The following TVP23A variants were observed in gnomAD, a reference collection of about 807,000 sequenced individuals.
TVP23A encodes Golgi apparatus membrane protein TVP23 homolog A.
A neutral mutation model predicts 31.7 loss-of-function variants in TVP23A; 21 were observed. The ratio of observed to expected loss-of-function variants is 0.66; its 90% CI spans 0.47 to 0.95. The LOEUF (loss-of-function observed/expected upper bound fraction) is 0.95. Among genes scored for constraint, TVP23A ranks in the 40% least tolerant of loss-of-function variants. The pLI is 0.00. For missense variants in TVP23A, 279 were observed against 255.6 expected (o/e 1.09, Z -0.62); for synonymous variants, 104 against 96.0 (o/e 1.08, Z -0.49).
At chr16:10,791,677 G>T (rs1478405851) in intron 2 of TVP23A, among the ~76,000 whole-genome samples, 6 of 152,240 alleles carry the variant, frequency 3.9e-5, no homozygotes, top group African/African-American at 1.4e-4. Context: ...GCACAATCTT[G>T]GCTCACTGCA....
chr16:10,791,392 CCAA>C (rs1346061444), intron 2 of TVP23A, among the ~76,000 whole-genome samples: 1 of 152,122 alleles, frequency 6.6e-6, no homozygotes, highest in African/African-American at 2.4e-5. Flanking sequence ...TATGGGAGTA[CCAA>C]CTAAGGTTTT....
chr16:10,802,543 T>C (rs1185262701), intron 2 of TVP23A, among the ~76,000 whole-genome samples: 2 of 152,056 alleles, frequency 1.3e-5, no homozygotes, highest in Non-Finnish European at 2.9e-5. Flanking sequence ...ACCTCCCAAA[T>C]TGCTGGGGTT....
At chr16:10,765,579 C>T (rs921805680), downstream of TVP23A, among the ~76,000 whole-genome samples, 12 of 152,176 alleles carry the variant, frequency 7.9e-5, no homozygotes, top group African/African-American at 2.9e-4. This position sits in a 1 kb window ranked among gnomAD's most constrained non-coding sequence, Gnocchi z 4.0. Flanking sequence ...ACAGGCCTGC[C>T]CTTGCCATTG....
intron 2 of TVP23A, among the ~76,000 whole-genome samples, chr16:10,817,525 G>C (rs941732520): frequency 2.0e-5 from 3 of 152,220 alleles, no homozygotes; most frequent in African/African-American, 7.2e-5. Context: ...GTCTCAGGCA[G>C]TTAAGTGACT....
intron 2 of TVP23A, among the ~76,000 whole-genome samples, chr16:10,786,259 G>A (rs1473571151): frequency 6.6e-6 from 1 of 152,122 alleles, no homozygotes; most frequent in Non-Finnish European, 1.5e-5. Context: ...AAATTCGGCA[G>A]TGATCTAACA....
chr16:10,793,653 G>T (rs1183317648), intron 2 of TVP23A, among the ~76,000 whole-genome samples: 3 of 152,062 alleles, frequency 2.0e-5, no homozygotes, highest in Middle Eastern at 6.8e-3. Context: ...CCCAGCATTT[G>T]GGAGGCCAAG....
At chr16:10,758,362 A>G (rs1050727864), downstream of TVP23A, among the ~76,000 whole-genome samples, 12 of 152,140 alleles carry the variant, frequency 7.9e-5, no homozygotes, top group Admixed American at 7.9e-4. Context: ...AGTTCCAGCT[A>G]CTTGGGAGGC....
chr16:10,765,217 C>A (rs1263535166), downstream of TVP23A: 1 of 151,630 alleles, frequency 6.6e-6, no homozygotes, highest in African/African-American at 2.4e-5. The surrounding 1 kb of genome is among the most constrained non-coding windows in gnomAD (Gnocchi z 4.0). Context: ...TATATCCTTA[C>A]CCAAAGTCTC....
chr16:10,769,373 T>TA, intron 7 of TVP23A: 2 of 397,186 alleles, frequency 5.0e-6, no homozygotes, highest in East Asian at 4.5e-5. Flanking sequence ...CTGTTTCACG[T>TA]AAAAAACAAA....
chr16:10,765,610 C>A (rs1271105382), downstream of TVP23A, among the ~76,000 whole-genome samples: 3 of 152,162 alleles, frequency 2.0e-5, no homozygotes, highest in African/African-American at 7.2e-5. The surrounding 1 kb of genome is among the most constrained non-coding windows in gnomAD (Gnocchi z 4.0). Context: ...CAGGAAGTGA[C>A]CTTGGGGCTA....
At chr16:10,793,261 G>C (rs1041794740) in intron 2 of TVP23A, among the ~76,000 whole-genome samples, 1 of 152,166 alleles carries the variant, frequency 6.6e-6, no homozygotes, top group African/African-American at 2.4e-5. Flanking sequence ...GGGCGACACA[G>C]CAAGACTCTG....
At chr16:10,788,377 C>T (rs1369000823) in intron 2 of TVP23A, among the ~76,000 whole-genome samples, 5 of 151,888 alleles carry the variant, frequency 3.3e-5, no homozygotes, top group Non-Finnish European at 7.4e-5. Flanking sequence ...CGGATTCAAG[C>T]GATTCTCCTG....
chr16:10,770,209 C>T, intron 7 of TVP23A, 63 bp downstream of exon 7: 1 of 1,542,966 alleles, frequency 6.5e-7, no homozygotes, highest in Non-Finnish European at 8.7e-7. Flanking sequence ...CCCTGTGCCC[C>T]AAGAGCTGCA....
chr16:10,757,477 T>C (rs191600962), downstream of TVP23A, among the ~76,000 whole-genome samples: 44 of 152,068 alleles, frequency 2.9e-4, no homozygotes, highest in Non-Finnish European at 6.2e-4. The surrounding 1 kb of genome is among the most constrained non-coding windows in gnomAD (Gnocchi z 4.1). Context: ...TAAGTCTTTG[T>C]TGGGGGGAGG....
chr16:10,784,542 C>T (rs1406481277), intron 2 of TVP23A, among the ~76,000 whole-genome samples: 1 of 148,456 alleles, frequency 6.7e-6, no homozygotes, highest in Non-Finnish European at 1.5e-5. Context: ...GCCTGGGCAA[C>T]AGAGCAAGAC....
chr16:10,762,146 G>A, downstream of TVP23A: 1 of 284,972 alleles, frequency 3.5e-6, no homozygotes. Context: ...ACTGAGGAGG[G>A]CACCCGATAG....
At chr16:10,761,754 C>A, downstream of TVP23A, 2 of 1,611,040 alleles carry the variant, frequency 1.2e-6, no homozygotes, top group Middle Eastern at 1.7e-4. Context: ...ATTTGCCTTG[C>A]AGAAAGAATC....
At chr16:10,764,106 A>G (rs899263663), downstream of TVP23A, among the ~76,000 whole-genome samples, 6 of 148,544 alleles carry the variant, frequency 4.0e-5, no homozygotes, top group Non-Finnish European at 7.4e-5. Context: ...CTCAGCCCAC[A>G]GGAGTATCTC....
chr16:10,808,560 G>A (rs1238351437), intron 2 of TVP23A: 2 of 454,954 alleles, frequency 4.4e-6, no homozygotes, highest in Non-Finnish European at 8.8e-6. Flanking sequence ...ACTTTGGGAG[G>A]CCAAGGCAGG....
Sources: allele counts gnomAD v4.1 joint callset (sites outside exome capture counted in the v4.1 genomes callset), GRCh38; gene constraint gnomAD v4.1.1; non-coding constraint Gnocchi (gnomAD v3.1); transcripts MANE v1.5; gene names NCBI Gene and HGNC (gene_info 2026-07-23, HGNC 2026-07-21).